SLC35E3: variants seen among roughly 807,000 people sequenced by gnomAD.
SLC35E3 encodes the protein solute carrier family 35 member E3, also known as bladder cancer-overexpressed gene 1 protein.
SLC35E3 carries 28 observed loss-of-function variants against 30.8 expected under a neutral mutation model. The observed-to-expected ratio is 0.91, with a 90% CI of 0.67 to 1.25. The LOEUF (loss-of-function observed/expected upper bound fraction) is 1.25, where lower values mean the gene tolerates loss of function less well. Ranked by LOEUF, SLC35E3 falls within the 50% of genes most tolerant of loss-of-function variation. The pLI is 0.00. For synonymous variants in SLC35E3, 146 were observed against 149.2 expected (o/e 0.98, Z 0.16); for missense variants, 365 against 375.4 (o/e 0.97, Z 0.23).
At chr12:68,751,008 T>C (rs1878770165) in intron 2 of SLC35E3, among the ~76,000 whole-genome samples, 1 of 152,146 alleles carries the variant, frequency 6.6e-6, no homozygotes. Context: ...CAGTTATATT[T>C]GTGAAGTATT....
intron 3 of SLC35E3, among the ~76,000 whole-genome samples, chr12:68,754,488 G>A (rs1312003642): frequency 1.3e-5 from 2 of 151,686 alleles, no homozygotes; most frequent in African/African-American, 4.8e-5. Flanking sequence ...GTTTCACCAT[G>A]TTGGCCAGGC....
At chr12:68,764,445 C>G (rs547081748) in intron 4 of SLC35E3, among the ~76,000 whole-genome samples, 1 of 152,156 alleles carries the variant, frequency 6.6e-6, no homozygotes, top group Admixed American at 6.6e-5. Context: ...TGTGCCACCA[C>G]GCCCAGCTAA....
intron 3 of SLC35E3, among the ~76,000 whole-genome samples, chr12:68,756,647 A>G (rs888753510): frequency 3.3e-5 from 5 of 152,188 alleles, no homozygotes; most frequent in Admixed American, 2.0e-4. Context: ...GGATGTGGGG[A>G]TGGTTTAACA....
chr12:68,767,951 C>G lies in SLC35E3; in HGVS notation c.*3061C>G, dbSNP rs930711165. ...ATGTTTCAGCACAGTGAGGATTTGA[C>G]GTCTGCACTGAGAACAGCTGAGTTT... On this transcript the variant is annotated 3_prime_UTR_variant, in exon 5 of 5. Coordinates refer to ENST00000398004, the MANE Select transcript of SLC35E3 (RefSeq NM_018656.5). 2.6e-5 allele frequency: 4 copies of G among 152,208 alleles called. 1 individual carries two copies. Among genetic ancestry groups the G allele is most frequent in the Non-Finnish European group, 5.9e-5 (4 of 68,042 alleles). The allele number at this position is 152,208 out of a possible 1,614,324, so 9.4% of individuals were successfully genotyped here. A position where few individuals can be genotyped will look rare whatever the true frequency, so the allele number is the denominator to read the frequency against.
Position 68,747,528 on chromosome 12 carries a change from A to G in SLC35E3, c.403-402A>G, listed in dbSNP as rs566622148. On this transcript the variant is annotated intron_variant, in intron 1 of 4. Coordinates refer to ENST00000398004, the MANE Select transcript of SLC35E3 (RefSeq NM_018656.5). Reference sequence around the variant, plus strand: ...GGTGATCTGCCCGCCTTGGCCTCCGAAAGCGCTGGGGTTACAGTGGTGAGC... The same window carrying G: ...GGTGATCTGCCCGCCTTGGCCTCCGGAAGCGCTGGGGTTACAGTGGTGAGC... Among the ~76,000 whole-genome samples, 10 of 152,290 alleles carry G rather than the reference A, an allele frequency of 6.6e-5. No homozygotes were observed. The East Asian group carries it at 1.9e-3, about 29-fold the overall frequency.
At position 68,768,681 on chromosome 12, in the gene SLC35E3, C is replaced by CTGTATTGCATATG. The variant is rs1202558855; in HGVS notation, c.*3792_*3804dup. On this transcript the variant is annotated 3_prime_UTR_variant, in exon 5 of 5. Coordinates refer to ENST00000398004, the MANE Select transcript of SLC35E3 (RefSeq NM_018656.5). ...AAATAAAGAGAACCTCTTTTTACTT[C>CTGTATTGCATATG]TGTATTGCATATGAGAGCTGATGGA... The CTGTATTGCATATG allele has an allele frequency of 6.6e-6, 1 of 152,154 alleles. No individual in the cohort carries two copies. Among genetic ancestry groups the CTGTATTGCATATG allele is most frequent in the Admixed American group, 6.5e-5 (1 of 15,272 alleles). The allele number at this position is 152,154 out of a possible 1,614,324, so 9.4% of individuals were successfully genotyped here.
chr12:68,759,202 T>C lies in SLC35E3; in HGVS notation c.718T>C (p.Ser240Pro). ...SGVIAFMVNL[S>P]IYWIIGNTSP... ...AGTAATAGCTTTCATGGTGAACTTA[T>C]CAATTTATTGGATCATTGGGAACAC... The change falls in exon 4 of 5, where the codon TCA (serine) becomes CCA (proline). Residue 240 changes from serine to proline, a missense_variant. Ser to Pro is a moderately conservative substitution (Grantham distance 74). Transcript: ENST00000398004. The C allele has an allele frequency of 3.1e-6, 5 of 1,613,796 alleles. No individual in the cohort carries two copies. Among genetic ancestry groups the C allele is most frequent in the Non-Finnish European group, 4.2e-6 (5 of 1,179,766 alleles).
rs1459536492 is a variant in SLC35E3 at position 68,769,183 on chromosome 12, AG to A, written c.*4294del. The stretch of plus-strand genomic sequence containing the variant: ...CTTGAACCCGGGAGGCGGAGGTTGC[AG>A]TGAGCCGAGATCACGCCACTGCACT... On this transcript the variant is annotated 3_prime_UTR_variant, in exon 5 of 5. Transcript: ENST00000398004. The A allele has an allele frequency of 6.6e-6, 1 of 151,916 alleles. No homozygotes were observed. The highest frequency in any genetic ancestry group is 6.6e-5 in the Admixed American group (1 of 15,200). 9.4% of individuals were successfully genotyped at this position (151,916 alleles called of 1,614,324 possible).
rs1448555940 is a variant in SLC35E3, at chr12:68,777,608, C to T, written c.*12718C>T. On this transcript the variant is annotated 3_prime_UTR_variant, in exon 5 of 5. Coordinates refer to ENST00000398004, the MANE Select transcript of SLC35E3 (RefSeq NM_018656.5). Reference sequence around the variant, plus strand: ...CTCACCCTCTTCCCCAGCGTGAAGACGCACAACCCAAGTGGGACAGTCTGA... The same window carrying T: ...CTCACCCTCTTCCCCAGCGTGAAGATGCACAACCCAAGTGGGACAGTCTGA... 6.6e-6 allele frequency: 1 copy of T among 152,218 alleles called. No homozygotes were observed. Among genetic ancestry groups the T allele is most frequent in the South Asian group, 2.1e-4 (1 of 4,836 alleles). The allele number at this position is 152,218 out of a possible 1,614,324, so 9.4% of individuals were successfully genotyped here.
chr12:68,751,854 G>A (rs1464684293), intron 2 of SLC35E3, among the ~76,000 whole-genome samples, 178 bp from the exon 3 acceptor site: 1 of 152,144 alleles, frequency 6.6e-6, no homozygotes, highest in African/African-American at 2.4e-5. Context: ...TTCATCCATG[G>A]TGCTTAAAGG....
At chr12:68,754,749 A>G (rs1878940267) in intron 3 of SLC35E3, among the ~76,000 whole-genome samples, 1 of 151,996 alleles carries the variant, frequency 6.6e-6, no homozygotes, top group South Asian at 2.1e-4. Flanking sequence ...AATCAAGGGC[A>G]TATGTATTTT....
rs1229719053 is a variant in SLC35E3 at position 68,766,583 on chromosome 12, A to G, written c.*1693A>G. ...TTTGTTAGCTGTTTGAGCATTTTAT[A>G]TTGGTAAATTTTTTATTTTCTTATT... On this transcript the variant is annotated 3_prime_UTR_variant, in exon 5 of 5. Transcript: ENST00000398004. The G allele has an allele frequency of 8.7e-6, 2 of 230,436 alleles. No homozygotes were observed. The highest frequency in any genetic ancestry group is 1.8e-5 in the Non-Finnish European group (2 of 109,650). 14.3% of individuals were successfully genotyped at this position (230,436 alleles called of 1,614,324 possible).
Position 68,775,033 on chromosome 12 carries a change from A to T in SLC35E3, c.*10143A>T, listed in dbSNP as rs1879703570. The T allele has an allele frequency of 6.6e-6, 1 of 152,044 alleles. No individual in the cohort carries two copies. Among genetic ancestry groups the T allele is most frequent in the Non-Finnish European group, 1.5e-5 (1 of 68,056 alleles). The allele number at this position is 152,044 out of a possible 1,614,324, so 9.4% of individuals were successfully genotyped here. ...CACTTAAAAAAATAATAATAATTAGAGACAGGGTGTTGCTATGTTGCCCTG... is the reference window on the plus strand; with the variant it reads ...CACTTAAAAAAATAATAATAATTAGTGACAGGGTGTTGCTATGTTGCCCTG... On this transcript the variant is annotated 3_prime_UTR_variant, in exon 5 of 5. Coordinates refer to ENST00000398004, the MANE Select transcript of SLC35E3 (RefSeq NM_018656.5).
Position 68,759,124 on chromosome 12 carries a change from T to G in SLC35E3, c.673-33T>G, listed in dbSNP as rs749605383. 2.1e-6 allele frequency: 3 copies of G among 1,424,992 alleles called. No homozygotes were observed. In the South Asian group the frequency reaches 3.6e-5, roughly 17 times the overall value. 88.3% of individuals were successfully genotyped at this position (1,424,992 alleles called of 1,614,324 possible). A position where few individuals can be genotyped will look rare whatever the true frequency, so the allele number is the denominator to read the frequency against. On this transcript the variant is annotated intron_variant, in intron 3 of 4. Transcript: ENST00000398004. ...TGCTTGATGATTATGATTGCAGTGC[T>G]TTGCATTAATGGTTCTTTTGGTTTA...
Position 68,756,884 on chromosome 12 carries a change from T to G in SLC35E3, c.673-2273T>G, listed in dbSNP as rs184766786. Reference sequence around the variant, plus strand: ...AACAAAATTAGCTGGGCGTGGTGGCTGGTGCCTGTAGTCTCAGCTACTTGG... The same window carrying G: ...AACAAAATTAGCTGGGCGTGGTGGCGGGTGCCTGTAGTCTCAGCTACTTGG... On this transcript the variant is annotated intron_variant, in intron 3 of 4. Coordinates refer to ENST00000398004, the MANE Select transcript of SLC35E3 (RefSeq NM_018656.5). Among the ~76,000 whole-genome samples, 130 of 152,206 alleles carry G rather than the reference T, an allele frequency of 8.5e-4. 1 individual carries two copies. The highest frequency in any genetic ancestry group is 8.3e-3 in the East Asian group (43 of 5,168).
chr12:68,749,183 G>A (rs970675839), intron 2 of SLC35E3, among the ~76,000 whole-genome samples: 2 of 152,138 alleles, frequency 1.3e-5, no homozygotes, highest in African/African-American at 4.8e-5. Flanking sequence ...AATTGCTATA[G>A]ATTAGAATCA....
At chr12:68,747,457 C>T (rs1010728444) in intron 1 of SLC35E3, among the ~76,000 whole-genome samples, 2 of 152,032 alleles carry the variant, frequency 1.3e-5, no homozygotes, top group African/African-American at 2.4e-5. Flanking sequence ...TTAGTAAAGA[C>T]GGGGTTTCTC....
intron 3 of SLC35E3, among the ~76,000 whole-genome samples, chr12:68,755,427 G>A (rs1878964591): frequency 6.6e-6 from 1 of 152,020 alleles, no homozygotes; most frequent in African/African-American, 2.4e-5. Context: ...ACTATTCAAA[G>A]CACTATGTAA....
At chr12:68,746,815 C>T (rs573079630) in intron 1 of SLC35E3, 36 bp downstream of exon 1, 9 of 1,533,174 alleles carry the variant, frequency 5.9e-6, no homozygotes, top group Non-Finnish European at 7.0e-6. Context: ...GCCGCTCTCC[C>T]GACCCACCTC....
Sources: allele counts gnomAD v4.1 joint callset (sites outside exome capture counted in the v4.1 genomes callset), GRCh38; gene constraint gnomAD v4.1.1; transcripts MANE v1.5; gene names NCBI Gene and HGNC (gene_info 2026-07-23, HGNC 2026-07-21).